Variants in ZNF641 observed in about 807,000 individuals in gnomAD.
ZNF641 encodes zinc finger protein 641.
Under a neutral mutation model 46.2 loss-of-function variants are expected in ZNF641, and 26 were observed. The observed-to-expected ratio is 0.56, with a 90% confidence interval of 0.41 to 0.78. The LOEUF (loss-of-function observed/expected upper bound fraction) is 0.78. Among genes scored for constraint, ZNF641 ranks in the 30% least tolerant of loss-of-function variants. ZNF641 has a pLI of 0.00. For missense variants in ZNF641, 469 were observed against 517.8 expected, an observed-to-expected ratio of 0.91 and a Z score of 0.91; for synonymous variants, 163 against 187.9, an observed-to-expected ratio of 0.87 and a Z score of 1.09.
chr12:48,339,081 G>C lies in ZNF641; in HGVS notation c.*3892C>G, dbSNP rs1379817489. On this transcript the variant is annotated 3_prime_UTR_variant, in exon 6 of 6. Transcript: ENST00000547026. Reference sequence around the variant, plus strand: ...AGTATCCTCAGTGCCCATATTGGAAGCCCCAGCCCCAATGAATCACAGGAG... The same window carrying C: ...AGTATCCTCAGTGCCCATATTGGAACCCCCAGCCCCAATGAATCACAGGAG... 4 of 152,302 alleles carry C rather than the reference G, an allele frequency of 2.6e-5. No homozygotes were observed. The highest frequency in any genetic ancestry group is 6.8e-3 in the Middle Eastern group (2 of 294). The allele number at this position is 152,302 out of a possible 1,614,324, so 9.4% of individuals were successfully genotyped here.
rs549826348 is a variant in ZNF641 at position 48,347,282 on chromosome 12, C to T, written c.246G>A (p.Met82Ile). The T allele has an allele frequency of 2.5e-6, 4 of 1,613,954 alleles. No homozygotes were observed. In the South Asian group the frequency reaches 3.3e-5, roughly 13 times the overall value. ...PQEGNTGDWE[M>I]AAALLAAGSQ... ...ATCCAGCCGCAAGAAGTGCAGCTGC[C>T]ATCTCCCAGTCTCCAGTGTTCCCCT... Residue 82 changes from methionine to isoleucine, a missense_variant, in exon 3 of 6, where the codon ATG becomes ATA. Coordinates refer to ENST00000547026, the MANE Select transcript of ZNF641 (RefSeq NM_001172681.2).
At chr12:48,336,019 T>C (rs1233959766), downstream of ZNF641, among the ~76,000 whole-genome samples, 4 of 152,250 alleles carry the variant, frequency 2.6e-5, no homozygotes, top group Non-Finnish European at 5.9e-5. Flanking sequence ...AAATATTCAA[T>C]GGTTGTTTGA....
intron 1 of ZNF641, 108 bp from the exon 2 acceptor site, chr12:48,348,223 G>A (rs1952935296): frequency 1.7e-5 from 18 of 1,062,486 alleles, no homozygotes; most frequent in Non-Finnish European, 2.2e-5. Flanking sequence ...CTAGATAGGA[G>A]GAGCTTGCTG....
rs113364736 is a variant in ZNF641, at chr12:48,343,717, A to G, written c.531T>C (p.Ser177=). The G allele has an allele frequency of 5.4e-4, 799 of 1,485,942 alleles. 2 individuals are homozygous for G. The East Asian group carries it at 6.4e-3, about 12-fold the overall frequency. 92.0% of individuals were successfully genotyped at this position (1,485,942 alleles called of 1,614,324 possible). ...GTTCAGGGGTATCCCCCTCATGTTC[A>G]CTTCCATCTCCTGCGGAGAAGGGGA... The part of the protein sequence containing the change: ...ILRVTYTGDG[S]EHEGDTPELE... The change falls in exon 6 of 6, where the codon AGT becomes AGC. Residue 177 remains serine (S), a synonymous_variant. Transcript: ENST00000547026.
chr12:48,341,228 T>C lies in ZNF641; in HGVS notation c.*1745A>G, dbSNP rs1429712574. 6.1e-6 allele frequency: 6 copies of C among 985,360 alleles called. No individual in the cohort carries two copies. The highest frequency in any genetic ancestry group is 7.2e-6 in the Non-Finnish European group (6 of 829,946). 61.0% of individuals were successfully genotyped at this position (985,360 alleles called of 1,614,324 possible). A position where few individuals can be genotyped will look rare whatever the true frequency, so the allele number is the denominator to read the frequency against. On this transcript the variant is annotated 3_prime_UTR_variant, in exon 6 of 6. Coordinates refer to ENST00000547026, the MANE Select transcript of ZNF641 (RefSeq NM_001172681.2). Reference sequence around the variant, plus strand: ...ACTTCCTCTTGCCTCTCTGGTTCATTCCACCAATTGTGGTTGAGAAACACA... The same window carrying C: ...ACTTCCTCTTGCCTCTCTGGTTCATCCCACCAATTGTGGTTGAGAAACACA...
At position 48,343,795 on chromosome 12, in the gene ZNF641, A is replaced by G. The variant is rs985677449; in HGVS notation, c.521-68T>C. On this transcript the variant is annotated intron_variant, in intron 5 of 5. Transcript: ENST00000547026. ...AGAGAGTGCTTGAGGCCTAAGTCAC[A>G]AATGAGGTTGTCTGATACCTGCCAG... The G allele has an allele frequency of 2.8e-5, 39 of 1,406,320 alleles. No homozygotes were observed. In the African/African-American group the frequency reaches 5.5e-4, roughly 20 times the overall value. The allele number at this position is 1,406,320 out of a possible 1,614,324, so 87.1% of individuals were successfully genotyped here. A position where few individuals can be genotyped will look rare whatever the true frequency, so the allele number is the denominator to read the frequency against.
In ZNF641 at chr12:48,338,405, G is replaced by A. The variant is rs1303035245; in HGVS notation, c.*4568C>T. The stretch of plus-strand genomic sequence containing the variant: ...GGAAAAAGGAGGTGGTGGCAGGAAA[G>A]AGGGAGACAGCATGAGGCCTGGAGT... On this transcript the variant is annotated 3_prime_UTR_variant, in exon 6 of 6. Transcript: ENST00000547026. The A allele has an allele frequency of 6.6e-6, 1 of 152,312 alleles. No individual in the cohort carries two copies. The allele number at this position is 152,312 out of a possible 1,614,324, so 9.4% of individuals were successfully genotyped here. A position where few individuals can be genotyped will look rare whatever the true frequency, so the allele number is the denominator to read the frequency against.
At chr12:48,350,191 T>C in intron 1 of ZNF641, 1 of 1,555,230 alleles carries the variant, frequency 6.4e-7, no homozygotes, top group Non-Finnish European at 8.7e-7. Flanking sequence ...TTTCCCCCTT[T>C]TCTTCACACA....
At chr12:48,336,474 C>T (rs1952605410), downstream of ZNF641, among the ~76,000 whole-genome samples, 1 of 152,236 alleles carries the variant, frequency 6.6e-6, no homozygotes. Context: ...AGATCATCCC[C>T]TAAGCAATAG....
In ZNF641 at chr12:48,342,704, A is replaced by G; in HGVS notation, c.*269T>C. On this transcript the variant is annotated 3_prime_UTR_variant, in exon 6 of 6. Coordinates refer to ENST00000547026, the MANE Select transcript of ZNF641 (RefSeq NM_001172681.2). Reference sequence around the variant, plus strand: ...ATTTCAGCCATAAACTGCCAGTACCACTCTCCTCTTGAGAACAGCTCAGGC... The same window carrying G: ...ATTTCAGCCATAAACTGCCAGTACCGCTCTCCTCTTGAGAACAGCTCAGGC... 2 of 1,085,964 alleles carry G rather than the reference A, an allele frequency of 1.8e-6. No individual in the cohort carries two copies. The highest frequency in any genetic ancestry group is 2.4e-6 in the Non-Finnish European group (2 of 829,282). The allele number at this position is 1,085,964 out of a possible 1,614,324, so 67.3% of individuals were successfully genotyped here.
Position 48,340,386 on chromosome 12 carries a change from T to C in ZNF641, c.*2587A>G. The C allele has an allele frequency of 2.0e-6, 2 of 985,460 alleles. No individual in the cohort carries two copies. The highest frequency in any genetic ancestry group is 1.2e-6 in the Non-Finnish European group (1 of 829,940). 61.0% of individuals were successfully genotyped at this position (985,460 alleles called of 1,614,324 possible). On this transcript the variant is annotated 3_prime_UTR_variant, in exon 6 of 6. Transcript: ENST00000547026. ...AGGGGCGTGATCTAATAGTAAGGAA[T>C]ATCACTTCCCACAAGTCCTTCAAAC...
chr12:48,347,024 A>T, intron 3 of ZNF641: 1 of 809,020 alleles, frequency 1.2e-6, no homozygotes, highest in Non-Finnish European at 1.8e-6. Context: ...AACAAAAAAC[A>T]AAACAAAACT....
chr12:48,348,199 G>A (rs1952934664), intron 1 of ZNF641, 84 bp from the exon 2 acceptor site: 10 of 1,384,334 alleles, frequency 7.2e-6, no homozygotes, highest in Non-Finnish European at 1.0e-5. Flanking sequence ...CAGGCCCAGG[G>A]ATAATAGACA....
chr12:48,347,682 A>C (rs1349900356), intron 2 of ZNF641, among the ~76,000 whole-genome samples: 4 of 152,216 alleles, frequency 2.6e-5, no homozygotes, highest in Non-Finnish European at 1.5e-5. Context: ...ATGCATTTGC[A>C]TGTGGAGGGA....
intron 1 of ZNF641, among the ~76,000 whole-genome samples, chr12:48,349,327 C>A (rs1952966509): frequency 1.3e-5 from 2 of 152,148 alleles, no homozygotes. Context: ...GAGAAATAAT[C>A]TGAGACTCAG....
chr12:48,346,105 C>T (rs183899020), intron 3 of ZNF641, among the ~76,000 whole-genome samples: 2 of 152,198 alleles, frequency 1.3e-5, no homozygotes, highest in Admixed American at 1.3e-4. Flanking sequence ...GGGGTTTCAC[C>T]ATGTTGGCCA....
At position 48,342,922 on chromosome 12, in the gene ZNF641, C is replaced by G; in HGVS notation, c.*51G>C. 6.4e-7 allele frequency: 1 copy of G among 1,552,270 alleles called. No homozygotes were observed. The highest frequency in any genetic ancestry group is 8.7e-7 in the Non-Finnish European group (1 of 1,153,968). On this transcript the variant is annotated 3_prime_UTR_variant, in exon 6 of 6. Coordinates refer to ENST00000547026, the MANE Select transcript of ZNF641 (RefSeq NM_001172681.2). ...GAGAACGGCAGCCCTGGCAGTGACT[C>G]CTGGTAGCACCGGCTGATAGACTTG...
chr12:48,348,180 T>C, intron 1 of ZNF641, 65 bp from the exon 2 acceptor site: 1 of 1,541,066 alleles, frequency 6.5e-7, no homozygotes, highest in Non-Finnish European at 8.9e-7. Context: ...CTAAGGGAGT[T>C]ATGAAGAACA....
In ZNF641 at chr12:48,342,457, G is replaced by A. The variant is rs1472189976; in HGVS notation, c.*516C>T. The A allele has an allele frequency of 1.2e-5, 12 of 985,060 alleles. No homozygotes were observed. Among genetic ancestry groups the A allele is most frequent in the African/African-American group, 1.7e-5 (1 of 57,150 alleles). The allele number at this position is 985,060 out of a possible 1,614,324, so 61.0% of individuals were successfully genotyped here. A position where few individuals can be genotyped will look rare whatever the true frequency, so the allele number is the denominator to read the frequency against. ...AGAGTGTTTCATAGTCACCAGTTCT[G>A]TGGGATGTAAATAGAAAGGATACTG... On this transcript the variant is annotated 3_prime_UTR_variant, in exon 6 of 6. Coordinates refer to ENST00000547026, the MANE Select transcript of ZNF641 (RefSeq NM_001172681.2).
Sources: gnomAD v4.1 joint callset for allele counts (sites outside exome capture counted in the v4.1 genomes callset) on GRCh38, gnomAD v4.1.1 for gene constraint, MANE v1.5 for transcripts, NCBI Gene and HGNC (gene_info 2026-07-23, HGNC 2026-07-21) for gene names.